CCL23: variants seen among roughly 807,000 people sequenced by gnomAD.
The protein encoded by CCL23 is C-C motif chemokine 23.
Under a neutral mutation model 11.8 loss-of-function variants are expected in CCL23, and 10 were observed. The ratio of observed to expected loss-of-function variants is 0.84; its 90% confidence interval spans 0.52 to 1.43. The LOEUF (loss-of-function observed/expected upper bound fraction) is 1.43. Among genes scored for constraint, CCL23 ranks in the 40% most tolerant of loss-of-function variants. CCL23 has a pLI of 0.00. For missense variants in CCL23, 181 were observed against 170.9 expected (o/e 1.06, Z -0.33); for synonymous variants, 60 against 61.0 (o/e 0.98, Z 0.07).
chr17:36,016,103 T>C (rs2090096001), intron 1 of CCL23, among the ~76,000 whole-genome samples: 1 of 150,940 alleles, frequency 6.6e-6, no homozygotes, highest in Non-Finnish European at 1.5e-5. Context: ...CTATTAAATA[T>C]ATTTTAAATA....
Position 36,013,300 on chromosome 17 carries a change from G to A in CCL23, c.311C>T (p.Thr104Ile). 6.2e-7 allele frequency: 1 copy of A among 1,610,924 alleles called. No individual in the cohort carries two copies. Among genetic ancestry groups the A allele is most frequent in the Non-Finnish European group, 8.5e-7 (1 of 1,177,220 alleles). The change falls in exon 4 of 4, where the codon ACC (threonine) becomes ATC (isoleucine). Residue 104 changes from threonine (T) to isoleucine (I), a missense_variant. Physicochemically the swap from Thr to Ile is moderately conservative, Grantham distance 89 (BLOSUM62 -1). Coordinates refer to ENST00000615050, the MANE Select transcript of CCL23 (RefSeq NM_005064.6). Reference protein sequence around the residue: ...ECSKPGVIFLTKKGRRFCANP... With the variant: ...ECSKPGVIFLIKKGRRFCANP... ...GGCACAGAAACGTCGCCCCTTCTTG[G>A]TGAGGAAGCTAGGGAACAAGGGGGA...
chr17:36,013,414 G>GTTTTTTTTTTTTT, intron 3 of CCL23, 106 bp from the exon 4 acceptor site: 1 of 673,108 alleles, frequency 1.5e-6, no homozygotes, highest in Non-Finnish European at 2.6e-6. Flanking sequence ...AATATAGCCA[G>GTTTTTTTTTTTTT]TTTTTTTTTC....
At chr17:36,017,727 G>T in intron 1 of CCL23, 95 bp downstream of exon 1, 1 of 1,115,516 alleles carries the variant, frequency 9.0e-7, no homozygotes, top group Non-Finnish European at 1.3e-6. Context: ...ACCACGTCTG[G>T]GATGGAGAGT....
intron 2 of CCL23, among the ~76,000 whole-genome samples, 164 bp from the exon 3 acceptor site, chr17:36,014,073 G>A (rs1167406199): frequency 6.6e-6 from 1 of 152,182 alleles, no homozygotes; most frequent in Non-Finnish European, 1.5e-5. Flanking sequence ...CCCTAGAAGG[G>A]GAAGGCATCT....
Position 36,013,457 on chromosome 17 carries a change from A to G in CCL23, c.303-149T>C, listed in dbSNP as rs1038684472. ...TTTCATTCTCTGCTGATGGCAGCTC[A>G]GGGCCATTGTGCTCTTGAGACCCCC... is the stretch of plus-strand genomic sequence containing the variant. On this transcript the variant is annotated intron_variant, in intron 3 of 3. Coordinates refer to ENST00000615050, the MANE Select transcript of CCL23 (RefSeq NM_005064.6). 5 of 624,904 alleles carry G rather than the reference A, an allele frequency of 8.0e-6. No individual in the cohort carries two copies. In the African/African-American group the frequency reaches 9.3e-5, roughly 12 times the overall value. 38.7% of individuals were successfully genotyped at this position (624,904 alleles called of 1,614,324 possible). A position where few individuals can be genotyped will look rare whatever the true frequency, so the allele number is the denominator to read the frequency against.
chr17:36,017,457 T>C (rs1490666755), intron 1 of CCL23, among the ~76,000 whole-genome samples: 1 of 152,240 alleles, frequency 6.6e-6, no homozygotes, highest in Non-Finnish European at 1.5e-5. Flanking sequence ...TAGATACTAC[T>C]AGATGGTATG....
At chr17:36,014,792 A>G (rs762594334) in intron 1 of CCL23, among the ~76,000 whole-genome samples, 2 of 152,162 alleles carry the variant, frequency 1.3e-5, no homozygotes, top group Non-Finnish European at 1.5e-5. Context: ...CTTTAAGTGA[A>G]GTGCAGCTAT....
At chr17:36,014,002 A>G (rs2090078680) in intron 2 of CCL23, 93 bp from the exon 3 acceptor site, 5 of 1,295,402 alleles carry the variant, frequency 3.9e-6, no homozygotes, top group Non-Finnish European at 5.4e-6. Flanking sequence ...GACCCTCATC[A>G]GAGTTGAGCT....
intron 1 of CCL23, among the ~76,000 whole-genome samples, chr17:36,015,312 C>A (rs2090089861): frequency 6.6e-6 from 1 of 152,164 alleles, no homozygotes; most frequent in Non-Finnish European, 1.5e-5. Flanking sequence ...TTTTTTCTTA[C>A]TTCAACATTC....
chr17:36,013,246 C>T lies in CCL23; in HGVS notation c.365G>A (p.Cys122Tyr), dbSNP rs758911722. ...TGTGTCCAGCTTCAGCATTCTCATG[C>T]AAACCTGAACTTGCTTATCACTGGG... Reference protein sequence around the residue: ...ANPSDKQVQVCMRMLKLDTRI... With the variant: ...ANPSDKQVQVYMRMLKLDTRI... The change falls in exon 4 of 4, where the codon TGC (cysteine) becomes TAC (tyrosine). Residue 122 changes from cysteine to tyrosine, a missense_variant. By Grantham distance (194) the Cys-to-Tyr change is radical. Transcript: ENST00000615050. 1 of 1,613,898 alleles carries T rather than the reference C, an allele frequency of 6.2e-7. No individual in the cohort carries two copies. The highest frequency in any genetic ancestry group is 1.1e-5 in the South Asian group (1 of 91,058).
chr17:36,015,259 C>T (rs1301936350), intron 1 of CCL23, among the ~76,000 whole-genome samples: 5 of 152,082 alleles, frequency 3.3e-5, no homozygotes, highest in Non-Finnish European at 5.9e-5. Flanking sequence ...TGATGTTTAT[C>T]CATGTTGTAG....
At chr17:36,014,520 C>G (rs1449807594) in intron 1 of CCL23, 127 bp from the exon 2 acceptor site, 11 of 728,818 alleles carry the variant, frequency 1.5e-5, no homozygotes, top group Non-Finnish European at 2.7e-5. Flanking sequence ...CCACCACCAC[C>G]TGTCTGGGCT....
rs1243880479 is a variant in CCL23, at chr17:36,013,848, A to G, written c.198T>C (p.Ala66=). 1 of 1,614,046 alleles carries G rather than the reference A, an allele frequency of 6.2e-7. No individual in the cohort carries two copies. Among genetic ancestry groups the G allele is most frequent in the Non-Finnish European group, 8.5e-7 (1 of 1,179,990 alleles). Residue 66 remains alanine, a synonymous_variant, in exon 3 of 4, where the codon GCT becomes GCC. Transcript: ENST00000615050. ...AGGAGATGCAGCAGTCAGCACTAGTAGCATGGAATCCTGCAGCATGAGAAA... is the reference window on the plus strand; with the variant it reads ...AGGAGATGCAGCAGTCAGCACTAGTGGCATGGAATCCTGCAGCATGAGAAA... ...MTLSHAAGFH[A]TSADCCISYT... is the part of the protein sequence containing the mutation.
chr17:36,013,719 CAT>C (rs1568482170), intron 3 of CCL23, 23 bp downstream of exon 3: 5 of 1,613,094 alleles, frequency 3.1e-6, no homozygotes, highest in African/African-American at 1.3e-5. Context: ...TCCCTCAACA[CAT>C]GTTTGGTGAG....
chr17:36,014,259 A>G, intron 2 of CCL23, 75 bp downstream of exon 2: 2 of 1,087,486 alleles, frequency 1.8e-6, no homozygotes, highest in Non-Finnish European at 1.4e-6. Context: ...TTCTGTAAAC[A>G]GGGACAATGG....
rs1474921007 is a variant in CCL23 at position 36,013,986 on chromosome 17, G to C, written c.137-77C>G. 5 of 1,398,758 alleles carry C rather than the reference G, an allele frequency of 3.6e-6. No homozygotes were observed. The African/African-American group carries it at 5.7e-5, about 16-fold the overall frequency. The allele number at this position is 1,398,758 out of a possible 1,614,324, so 86.6% of individuals were successfully genotyped here. The stretch of plus-strand genomic sequence containing the variant: ...GACCAGCACTTGCTGGCATCTCCCT[G>C]CTTCAGACCCTCATCAGAGTTGAGC... On this transcript the variant is annotated intron_variant, in intron 2 of 3. Coordinates refer to ENST00000615050, the MANE Select transcript of CCL23 (RefSeq NM_005064.6).
At chr17:36,015,095 A>G (rs1212699853) in intron 1 of CCL23, among the ~76,000 whole-genome samples, 1 of 152,186 alleles carries the variant, frequency 6.6e-6, no homozygotes, top group Non-Finnish European at 1.5e-5. Flanking sequence ...CTCTGTATTC[A>G]TTAAACAACA....
chr17:36,016,811 A>G (rs1398998068), intron 1 of CCL23, among the ~76,000 whole-genome samples: 1 of 150,732 alleles, frequency 6.6e-6, no homozygotes, highest in Non-Finnish European at 1.5e-5. Flanking sequence ...TTTAACAATT[A>G]TATTAAATAT....
At chr17:36,016,868 C>T (rs993708737) in intron 1 of CCL23, among the ~76,000 whole-genome samples, 7 of 151,488 alleles carry the variant, frequency 4.6e-5, no homozygotes, top group African/African-American at 1.2e-4. Context: ...ATTTACTTAA[C>T]ATTTTGAAAC....
Sources: gnomAD v4.1 joint callset for allele counts (sites outside exome capture counted in the v4.1 genomes callset) on GRCh38, gnomAD v4.1.1 for gene constraint, MANE v1.5 for transcripts, NCBI Gene and HGNC (gene_info 2026-07-23, HGNC 2026-07-21) for gene names.